RBFOX1: variants seen among roughly 807,000 people sequenced by gnomAD.
RBFOX1 encodes the protein RNA binding protein fox-1 homolog 1.
RBFOX1 carries 8 observed loss-of-function variants against 57.7 expected under a neutral mutation model. The observed-to-expected ratio is 0.14, with a 90% CI of 0.08 to 0.25. RBFOX1 has a LOEUF of 0.25. RBFOX1 is among the 10% of genes least tolerant of loss of function. The pLI, the probability that RBFOX1 is intolerant of heterozygous loss-of-function variation, is 1.00. For synonymous variants in RBFOX1, 326 were observed against 222.4 expected (o/e 1.47, Z -4.15); for missense variants, 611 against 548.5 (o/e 1.11, Z -1.14).
chr16:5,488,350 G>T lies in RBFOX1; in HGVS notation c.258+21096G>T, dbSNP rs2042706425. Among the ~76,000 whole-genome samples, 2 of 147,928 alleles carry T rather than the reference G, an allele frequency of 1.4e-5. 1 individual carries two copies. Among genetic ancestry groups the T allele is most frequent in the Admixed American group, 1.4e-4 (2 of 14,640 alleles). ...GATAATGATAGAGATGAAAGACAGT[G>T]GTGATGGCAGATGATGGTGATGATG... On this transcript the variant is annotated intron_variant, in intron 2 of 2. Coordinates refer to the RBFOX1 transcript ENST00000585867.
chr16:6,740,718 C>G (rs908505865), intron 3 of RBFOX1, among the ~76,000 whole-genome samples: 1 of 152,066 alleles, frequency 6.6e-6, no homozygotes, highest in Non-Finnish European at 1.5e-5. Context: ...TGAAAAAGGC[C>G]AACATGTAAA....
chr16:5,605,563 C>T, intron 3 of RBFOX1, among the ~76,000 whole-genome samples: 1 of 151,852 alleles, frequency 6.6e-6, no homozygotes, highest in South Asian at 2.1e-4. Context: ...GTAATGTCTG[C>T]CATGGGTCTG....
At chr16:7,247,661 C>G (rs1369858911) in intron 4 of RBFOX1, among the ~76,000 whole-genome samples, 1 of 152,238 alleles carries the variant, frequency 6.6e-6, no homozygotes, top group Non-Finnish European at 1.5e-5. Context: ...TTAGTGACTG[C>G]TTGTCATTTA....
intron 2 of RBFOX1, among the ~76,000 whole-genome samples, chr16:6,359,345 C>T (rs1304996506): frequency 6.6e-6 from 1 of 152,122 alleles, no homozygotes; most frequent in African/African-American, 2.4e-5. Context: ...CCTCCTGCCT[C>T]AGCCCCCAAA....
chr16:5,768,195 C>T (rs917986650), intron 3 of RBFOX1, among the ~76,000 whole-genome samples: 3 of 152,216 alleles, frequency 2.0e-5, no homozygotes, highest in Admixed American at 2.0e-4. Context: ...ACCTCCATGC[C>T]TAGTTTTTGG....
intron 2 of RBFOX1, among the ~76,000 whole-genome samples, chr16:6,495,985 T>G (rs1264912627): frequency 2.0e-5 from 3 of 152,236 alleles, no homozygotes; most frequent in African/African-American, 7.2e-5. Context: ...TTTAATATTT[T>G]TATATGCGTC....
intron 1 of RBFOX1, among the ~76,000 whole-genome samples, chr16:5,402,083 G>A (rs1403661169): frequency 6.6e-6 from 1 of 152,088 alleles, no homozygotes; most frequent in Non-Finnish European, 1.5e-5. Flanking sequence ...GTACTCCCGG[G>A]CTAAGAACAA....
chr16:7,203,677 C>T lies in RBFOX1; in HGVS notation c.27+151579C>T, dbSNP rs147754383. On this transcript the variant is annotated intron_variant, in intron 4 of 15. Transcript: ENST00000550418. ...AGATAGGGTCCCTCTATGTGTGAGC[C>T]CTAGTCCACATTTTGGTTAATACAT... 1.9e-3 allele frequency among the ~76,000 whole-genome samples: 289 copies of T among 152,238 alleles called. 2 individuals are homozygous for T. The highest frequency in any genetic ancestry group is 6.4e-3 in the African/African-American group (266 of 41,538).
chr16:5,477,565 G>A (rs1246562842), intron 2 of RBFOX1, among the ~76,000 whole-genome samples: 1 of 152,180 alleles, frequency 6.6e-6, no homozygotes, highest in Non-Finnish European at 1.5e-5. Flanking sequence ...AAGAAGCTGA[G>A]TTGGCATGGG....
At chr16:7,146,596 T>G (rs1264454707) in intron 4 of RBFOX1, among the ~76,000 whole-genome samples, 1 of 152,142 alleles carries the variant, frequency 6.6e-6, no homozygotes, top group Non-Finnish European at 1.5e-5. Flanking sequence ...AGAATAAGCT[T>G]ATGATACCCA....
intron 4 of RBFOX1, among the ~76,000 whole-genome samples, chr16:7,370,872 C>T (rs1368494190): frequency 6.6e-6 from 1 of 152,162 alleles, no homozygotes; most frequent in East Asian, 1.9e-4. Flanking sequence ...GACATTTATG[C>T]ATAAAATGCT....
intron 3 of RBFOX1, among the ~76,000 whole-genome samples, chr16:6,925,416 C>A (rs1004211302): frequency 6.6e-6 from 1 of 151,768 alleles, no homozygotes; most frequent in Non-Finnish European, 1.5e-5. Flanking sequence ...TGAGCCACTG[C>A]ACCCAGCCTA....
intron 1 of RBFOX1, among the ~76,000 whole-genome samples, chr16:6,077,284 G>A (rs2095917589): frequency 1.3e-5 from 2 of 151,406 alleles, no homozygotes; most frequent in African/African-American, 4.9e-5. Context: ...TGGCCAGGTA[G>A]GAGCTCACAT....
intron 4 of RBFOX1, among the ~76,000 whole-genome samples, chr16:7,360,865 T>C (rs928887518): frequency 2.0e-5 from 3 of 152,234 alleles, no homozygotes; most frequent in African/African-American, 7.2e-5. Context: ...CCAGGTCACC[T>C]TGACATCTTC....
chr16:7,408,504 C>G (rs1030403053), intron 4 of RBFOX1, among the ~76,000 whole-genome samples: 1 of 152,174 alleles, frequency 6.6e-6, no homozygotes, highest in Non-Finnish European at 1.5e-5. Context: ...TGAGAAGTAG[C>G]TAATTCCCGA....
chr16:5,674,316 T>C (rs1596693428), intron 3 of RBFOX1, among the ~76,000 whole-genome samples: 1 of 152,240 alleles, frequency 6.6e-6, no homozygotes, highest in Admixed American at 6.5e-5. Flanking sequence ...AGGATGAATA[T>C]GACTTTTATT....
intron 3 of RBFOX1, among the ~76,000 whole-genome samples, chr16:6,847,334 C>T (rs1284996176): frequency 6.6e-6 from 1 of 152,136 alleles, no homozygotes; most frequent in Non-Finnish European, 1.5e-5. Flanking sequence ...TCCAGCCAGA[C>T]CTGTGTCCTC....
intron 1 of RBFOX1, among the ~76,000 whole-genome samples, chr16:5,302,021 G>T (rs115534228): frequency 2.0e-5 from 3 of 151,090 alleles, no homozygotes; most frequent in African/African-American, 4.9e-5. Flanking sequence ...GCTTCTTTAG[G>T]TTCCAGTTTA....
intron 4 of RBFOX1, among the ~76,000 whole-genome samples, chr16:5,877,883 C>G (rs2057655224): frequency 6.6e-6 from 1 of 152,172 alleles, no homozygotes; most frequent in Non-Finnish European, 1.5e-5. Context: ...TGGTATGGCA[C>G]TCTGGTGGGC....
Sources: gnomAD v4.1 joint callset for allele counts (sites outside exome capture counted in the v4.1 genomes callset) on GRCh38, gnomAD v4.1.1 for gene constraint, MANE v1.5 for transcripts, NCBI Gene and HGNC (gene_info 2026-07-23, HGNC 2026-07-21) for gene names.